ERC2: variants seen among roughly 807,000 people sequenced by gnomAD.
ERC2 encodes the protein ERC protein 2.
ERC2 carries 42 observed loss-of-function variants against 114.8 expected under a neutral mutation model. The observed-to-expected ratio is 0.37, with a 90% CI of 0.29 to 0.47. ERC2 has a LOEUF of 0.47. Ranked by LOEUF, ERC2 falls within the 20% of genes least tolerant of loss-of-function variation. The pLI is 0.99. For synonymous variants in ERC2, 454 were observed against 425.5 expected, an observed-to-expected ratio of 1.07 and a Z score of -0.82; for missense variants, 939 against 1,150.7, an observed-to-expected ratio of 0.82 and a Z score of 2.66.
chr3:56,075,853 A>G (rs1200724966), intron 7 of ERC2, among the ~76,000 whole-genome samples: 1 of 152,202 alleles, frequency 6.6e-6, no homozygotes, highest in Non-Finnish European at 1.5e-5. Flanking sequence ...AGTCCTCCAC[A>G]CTTTACTTCA....
At chr3:56,080,652 T>C (rs2077186034) in intron 7 of ERC2, among the ~76,000 whole-genome samples, 165 bp downstream of exon 7, 1 of 152,202 alleles carries the variant, frequency 6.6e-6, no homozygotes, top group African/African-American at 2.4e-5. Flanking sequence ...GCAACGCTAA[T>C]ATTGACATGA....
intron 6 of ERC2, among the ~76,000 whole-genome samples, chr3:56,103,754 T>TCTATCTAC (rs1553822582): frequency 2.6e-5 from 4 of 151,134 alleles, no homozygotes; most frequent in African/African-American, 9.8e-5. Context: ...TATCTATCTA[T>TCTATCTAC]CTATCTATCT....
At chr3:55,681,567 T>C (rs137991759) in intron 17 of ERC2, among the ~76,000 whole-genome samples, 1 of 152,332 alleles carries the variant, frequency 6.6e-6, no homozygotes, top group African/African-American at 2.4e-5. Context: ...ATTTAAATCC[T>C]TAAAGATATG....
At chr3:55,791,653 A>G (rs1252760739) in intron 14 of ERC2, among the ~76,000 whole-genome samples, 1 of 152,220 alleles carries the variant, frequency 6.6e-6, no homozygotes, top group Non-Finnish European at 1.5e-5. Flanking sequence ...CCCATCAGGC[A>G]CAATTTTGAA....
intron 17 of ERC2, among the ~76,000 whole-genome samples, chr3:55,681,834 G>A (rs1175961482): frequency 6.6e-6 from 1 of 152,198 alleles, no homozygotes; most frequent in Non-Finnish European, 1.5e-5. Context: ...GGGTCTTGGA[G>A]CCAATTCCAT....
At chr3:56,345,992 C>T (rs1328624464) in intron 2 of ERC2, among the ~76,000 whole-genome samples, 2 of 152,212 alleles carry the variant, frequency 1.3e-5, no homozygotes, top group African/African-American at 2.4e-5. Flanking sequence ...CAGAGATCTA[C>T]CCCTTAACTA....
chr3:56,046,707 C>T (rs2075481674), intron 7 of ERC2, among the ~76,000 whole-genome samples: 1 of 152,182 alleles, frequency 6.6e-6, no homozygotes, highest in Non-Finnish European at 1.5e-5. Context: ...GGCAAAAGAA[C>T]TTCATGGAAT....
At chr3:55,524,051 A>T (rs2053142164) in intron 17 of ERC2, among the ~76,000 whole-genome samples, 1 of 152,236 alleles carries the variant, frequency 6.6e-6, no homozygotes. Flanking sequence ...CAAAGTGAAG[A>T]TAGTAACTCT....
intron 7 of ERC2, among the ~76,000 whole-genome samples, chr3:56,032,887 G>GAAAGAAAGAAAGAAAGAAAGAAAGAA (rs1366582563): frequency 9.7e-5 from 10 of 102,688 alleles, no homozygotes; most frequent in African/African-American, 2.0e-4. Context: ...AAGAAAGAAA[G>GAAAGAAAGAAAGAAAGAAAGAAAGAA]AGAGAGAGAG....
intron 7 of ERC2, among the ~76,000 whole-genome samples, chr3:56,069,084 G>A (rs2076609871): frequency 1.3e-5 from 2 of 152,190 alleles, no homozygotes; most frequent in Admixed American, 6.5e-5. Flanking sequence ...CTCAAGCCCT[G>A]CATATCCTTG....
intron 3 of ERC2, among the ~76,000 whole-genome samples, chr3:56,215,165 G>A (rs888510721): frequency 6.6e-6 from 1 of 152,118 alleles, no homozygotes; most frequent in African/African-American, 2.4e-5. Flanking sequence ...AGGTAAATTG[G>A]CTAAATGCTC....
At chr3:56,232,832 TC>T (rs2150181497) in intron 3 of ERC2, among the ~76,000 whole-genome samples, 1 of 152,332 alleles carries the variant, frequency 6.6e-6, no homozygotes, top group South Asian at 2.1e-4. Flanking sequence ...CTAGAATTCT[TC>T]AGTTCCTCAA....
At position 56,434,919 on chromosome 3, in the gene ERC2, C is replaced by T. The variant is rs757289425; in HGVS notation, c.89G>A (p.Arg30Gln). ...TCCACCTCCCCCACTACTTGTTCTT[C>T]GGTGGCCCAAACGAGGAGACCTTGG... ...RLPRSPRLGH[R>Q]RTSSGGGGGT... is the part of the protein sequence containing the mutation. Residue 30 changes from arginine (R) to glutamine (Q), a missense_variant, in exon 2 of 18, where the codon CGA becomes CAA. Transcript: ENST00000288221. 13 of 1,613,798 alleles carry T rather than the reference C, an allele frequency of 8.1e-6. No homozygotes were observed. The highest frequency in any genetic ancestry group is 2.2e-5 in the East Asian group (1 of 44,860).
At chr3:55,966,925 T>C (rs2068791152) in intron 12 of ERC2, among the ~76,000 whole-genome samples, 1 of 152,200 alleles carries the variant, frequency 6.6e-6, no homozygotes, top group Admixed American at 6.5e-5. Context: ...ATCACATGCA[T>C]ACATATATAT....
chr3:55,758,368 C>A (rs144265823), intron 14 of ERC2, among the ~76,000 whole-genome samples: 1 of 152,318 alleles, frequency 6.6e-6, no homozygotes, highest in Non-Finnish European at 1.5e-5. Flanking sequence ...CCACCCCACT[C>A]ATACTGAGGA....
At chr3:55,738,857 A>C (rs1312143660) in intron 14 of ERC2, among the ~76,000 whole-genome samples, 1 of 152,110 alleles carries the variant, frequency 6.6e-6, no homozygotes, top group African/African-American at 2.4e-5. Flanking sequence ...GGTTTGCTGC[A>C]CCCATTAACC....
intron 3 of ERC2, among the ~76,000 whole-genome samples, chr3:56,241,805 C>G (rs1376486050): frequency 1.3e-5 from 2 of 152,194 alleles, no homozygotes; most frequent in African/African-American, 4.8e-5. Context: ...CATACATACA[C>G]ACTCACCTAC....
intron 2 of ERC2, among the ~76,000 whole-genome samples, chr3:56,356,994 T>C (rs764250191): frequency 4.5e-4 from 68 of 152,182 alleles, no homozygotes; most frequent in Non-Finnish European, 6.6e-4. Context: ...AGTTTAGGCA[T>C]GAAATCAGGG....
intron 7 of ERC2, among the ~76,000 whole-genome samples, chr3:56,039,086 C>T (rs527805268): frequency 1.1e-4 from 17 of 152,230 alleles, no homozygotes; most frequent in African/African-American, 4.1e-4. Context: ...CCATCCTCAC[C>T]CTCATACCAC....
Sources: allele counts gnomAD v4.1 joint callset (sites outside exome capture counted in the v4.1 genomes callset), GRCh38; gene constraint gnomAD v4.1.1; transcripts MANE v1.5; gene names NCBI Gene and HGNC (gene_info 2026-07-23, HGNC 2026-07-21).